Variants in KCNMB2 observed in about 807,000 individuals in gnomAD.
KCNMB2 encodes the protein calcium-activated potassium channel subunit beta-2.
KCNMB2 carries 9 observed loss-of-function variants against 24.5 expected under a neutral mutation model. The ratio of observed to expected loss-of-function variants is 0.37; its 90% CI spans 0.22 to 0.64. The LOEUF is 0.64. Among genes scored for constraint, KCNMB2 ranks in the 30% least tolerant of loss-of-function variants. The pLI, the probability that KCNMB2 is intolerant of heterozygous loss-of-function variation, is 0.63. For missense variants in KCNMB2, 226 were observed against 284.3 expected, an observed-to-expected ratio of 0.79 and a Z score of 1.47; for synonymous variants, 109 against 104.4, an observed-to-expected ratio of 1.04 and a Z score of -0.27.
intron 1 of KCNMB2, among the ~76,000 whole-genome samples, chr3:178,626,376 T>C (rs564354558): frequency 6.6e-6 from 1 of 152,322 alleles, no homozygotes; most frequent in Non-Finnish European, 1.5e-5. Flanking sequence ...GCTTGCAAAG[T>C]GCCTGACACA....
chr3:178,707,564 C>T (rs1722318895), intron 1 of KCNMB2, among the ~76,000 whole-genome samples: 1 of 152,032 alleles, frequency 6.6e-6, no homozygotes, highest in Non-Finnish European at 1.5e-5. Flanking sequence ...ACTTGGCTGC[C>T]CATTAAAACC....
intron 1 of KCNMB2, among the ~76,000 whole-genome samples, chr3:178,537,597 G>C (rs996088287): frequency 6.6e-6 from 1 of 152,104 alleles, no homozygotes; most frequent in African/African-American, 2.4e-5. Context: ...ATATGGGATC[G>C]GTATAGCACA....
chr3:178,789,209 G>A (rs1484872950), intron 1 of KCNMB2, among the ~76,000 whole-genome samples: 3 of 152,176 alleles, frequency 2.0e-5, no homozygotes, highest in East Asian at 3.8e-4. Flanking sequence ...TGAAACAGAT[G>A]TCAATGCGTC....
At chr3:178,685,005 A>G (rs1232635837) in intron 1 of KCNMB2, among the ~76,000 whole-genome samples, 1 of 152,170 alleles carries the variant, frequency 6.6e-6, no homozygotes, top group Non-Finnish European at 1.5e-5. Context: ...TACATCTTTT[A>G]TCTGTTTGGA....
At chr3:178,696,375 T>C (rs957380965) in intron 1 of KCNMB2, among the ~76,000 whole-genome samples, 2 of 152,184 alleles carry the variant, frequency 1.3e-5, no homozygotes, top group African/African-American at 4.8e-5. Flanking sequence ...TTTTCTAGAT[T>C]GTGTGCATAG....
At chr3:178,840,102 A>G (rs9809846) in intron 4 of KCNMB2, among the ~76,000 whole-genome samples, 97,612 of 151,720 alleles carry the variant, frequency 0.64, 33,298 homozygotes, top group African/African-American at 0.87. Flanking sequence ...CCCATTCCAA[A>G]TGGGAGAAAT....
At chr3:178,834,231 G>A (rs1715144950) in intron 4 of KCNMB2, among the ~76,000 whole-genome samples, 1 of 152,168 alleles carries the variant, frequency 6.6e-6, no homozygotes. Context: ...CTCTGGGTGT[G>A]TGTGGGGCTT....
intron 4 of KCNMB2, among the ~76,000 whole-genome samples, chr3:178,839,027 C>A (rs138188200): frequency 8.3e-4 from 126 of 152,138 alleles, no homozygotes; most frequent in African/African-American, 2.9e-3. Flanking sequence ...CTGTCAGAAA[C>A]CAATTTAATT....
At position 178,818,232 on chromosome 3, in the gene KCNMB2, C is replaced by T. The variant is rs182385752; in HGVS notation, c.57-7356C>T. On this transcript the variant is annotated intron_variant, in intron 2 of 4. Transcript: ENST00000452583. ...AACCCATAGTGTTGCTAGTTCTAGACACAAATGATGCCCAGATCTAAATCT... is the reference window on the plus strand; with the variant it reads ...AACCCATAGTGTTGCTAGTTCTAGATACAAATGATGCCCAGATCTAAATCT... Among the ~76,000 whole-genome samples the T allele has an allele frequency of 5.9e-5, 9 of 152,238 alleles. No individual in the cohort carries two copies. The East Asian group carries it at 1.7e-3, about 29-fold the overall frequency.
chr3:178,690,753 G>C (rs148561262), intron 1 of KCNMB2, among the ~76,000 whole-genome samples: 1 of 152,270 alleles, frequency 6.6e-6, no homozygotes, highest in Non-Finnish European at 1.5e-5. Context: ...CAGCACTATG[G>C]ATAGTTCACT....
chr3:178,656,262 A>T (rs910725839), intron 1 of KCNMB2, among the ~76,000 whole-genome samples: 3 of 152,206 alleles, frequency 2.0e-5, no homozygotes, highest in African/African-American at 7.2e-5. Flanking sequence ...TAATTCCCAA[A>T]TAAGTCCCAA....
intron 1 of KCNMB2, among the ~76,000 whole-genome samples, chr3:178,547,185 A>C (rs942699787): frequency 6.6e-6 from 1 of 151,992 alleles, no homozygotes; most frequent in Admixed American, 6.5e-5. Context: ...CTTCTCTCTT[A>C]TGTGTGTGTG....
chr3:178,648,276 G>A (rs993675486), intron 1 of KCNMB2, among the ~76,000 whole-genome samples: 15 of 152,242 alleles, frequency 9.9e-5, no homozygotes, highest in African/African-American at 2.6e-4. Context: ...AATGGCTCAC[G>A]CATGTAATCC....
chr3:178,579,086 G>A (rs774211398), intron 1 of KCNMB2, among the ~76,000 whole-genome samples: 13 of 151,920 alleles, frequency 8.6e-5, no homozygotes, highest in Non-Finnish European at 1.6e-4. Flanking sequence ...TCTAAGAACC[G>A]CAACATGCTT....
At chr3:178,749,752 G>C (rs1723781908) in intron 1 of KCNMB2, among the ~76,000 whole-genome samples, 2 of 152,194 alleles carry the variant, frequency 1.3e-5, no homozygotes, top group African/African-American at 4.8e-5. Context: ...ATTAATTAAA[G>C]GCAGCATTTC....
chr3:178,723,495 T>C (rs1722873238), intron 1 of KCNMB2, among the ~76,000 whole-genome samples: 1 of 152,214 alleles, frequency 6.6e-6, no homozygotes, highest in Non-Finnish European at 1.5e-5. Context: ...TGTTTTTATT[T>C]TTTATTGTTT....
At chr3:178,801,115 T>C (rs1041358738) in intron 1 of KCNMB2, among the ~76,000 whole-genome samples, 2 of 152,124 alleles carry the variant, frequency 1.3e-5, no homozygotes, top group African/African-American at 4.8e-5. Context: ...TAGTATTTAA[T>C]AGCACAACAG....
intron 1 of KCNMB2, among the ~76,000 whole-genome samples, chr3:178,565,246 C>T (rs2108469175): frequency 6.6e-6 from 1 of 152,164 alleles, no homozygotes; most frequent in East Asian, 1.9e-4. Flanking sequence ...TAAACTATCT[C>T]AAACAGAAAA....
chr3:178,807,579 C>A, intron 2 of KCNMB2, 114 bp downstream of exon 2: 1 of 834,158 alleles, frequency 1.2e-6, no homozygotes, highest in Non-Finnish European at 2.0e-6. Flanking sequence ...AATGTGGGGA[C>A]AGACTCTACA....
Sources: gnomAD v4.1 joint callset for allele counts (sites outside exome capture counted in the v4.1 genomes callset) on GRCh38, gnomAD v4.1.1 for gene constraint, MANE v1.5 for transcripts, NCBI Gene and HGNC (gene_info 2026-07-23, HGNC 2026-07-21) for gene names.